Variants in KALRN observed in about 807,000 individuals in gnomAD.
KALRN encodes kalirin.
A neutral mutation model predicts 353.7 loss-of-function variants in KALRN; 70 were observed. The ratio of observed to expected loss-of-function variants is 0.20; its 90% CI spans 0.16 to 0.24. The LOEUF (loss-of-function observed/expected upper bound fraction) is 0.24, where lower values mean the gene tolerates loss of function less well. KALRN is among the 10% of genes least tolerant of loss of function. The probability of loss-of-function intolerance (pLI) is 1.00; values close to 1 mark genes in which losing one functional copy is unlikely to be tolerated. For missense variants in KALRN, 2,791 were observed against 3,756.7 expected (o/e 0.74, Z 6.72); for synonymous variants, 1,391 against 1,434.8 (o/e 0.97, Z 0.69).
At chr3:124,653,823 G>A (rs915572643) in intron 38 of KALRN, among the ~76,000 whole-genome samples, 1 of 152,200 alleles carries the variant, frequency 6.6e-6, no homozygotes, top group Non-Finnish European at 1.5e-5. Flanking sequence ...TGAAAAACAT[G>A]CCTTGTTGTC....
At chr3:124,369,893 C>T (rs1460399201) in intron 10 of KALRN, among the ~76,000 whole-genome samples, 2 of 152,058 alleles carry the variant, frequency 1.3e-5, no homozygotes, top group Non-Finnish European at 2.9e-5. Flanking sequence ...TGGCATATCC[C>T]GCTTAGCATA....
chr3:124,069,968 G>A (rs1368331232), intron 1 of KALRN, among the ~76,000 whole-genome samples: 2 of 152,120 alleles, frequency 1.3e-5, no homozygotes, highest in Non-Finnish European at 2.9e-5. Flanking sequence ...TGACTAGCAG[G>A]CATGTATTTA....
At chr3:124,691,244 C>T (rs953739325) in intron 51 of KALRN, among the ~76,000 whole-genome samples, 5 of 152,084 alleles carry the variant, frequency 3.3e-5, no homozygotes, top group African/African-American at 2.4e-5. Context: ...GCCTGACCAA[C>T]GTGGCGAGAC....
rs1053876553 is a variant in KALRN, at chr3:124,118,777, G to A, written c.73+84964G>A. ...GATTTGTTCCAAACACTGGAAATCC[G>A]TCTTCTCATTTAATTGTCACAACTC... On this transcript the variant is annotated intron_variant, in intron 1 of 59. Transcript: ENST00000682506. Among the ~76,000 whole-genome samples, 21 of 152,272 alleles carry A rather than the reference G, an allele frequency of 1.4e-4. No individual in the cohort carries two copies. The Middle Eastern group carries it at 0.017, about 123-fold the overall frequency.
At chr3:124,379,600 C>A (rs1039311925) in intron 10 of KALRN, among the ~76,000 whole-genome samples, 1 of 152,190 alleles carries the variant, frequency 6.6e-6, no homozygotes, top group African/African-American at 2.4e-5. Context: ...TACTTATTTA[C>A]CCTTCTGACC....
chr3:124,068,917 G>C (rs1253566297), intron 1 of KALRN, among the ~76,000 whole-genome samples: 4 of 152,194 alleles, frequency 2.6e-5, no homozygotes, highest in African/African-American at 9.7e-5. Context: ...GATATGAAAA[G>C]AGCCTCCAGG....
chr3:124,667,382 G>A (rs918926227), intron 47 of KALRN, among the ~76,000 whole-genome samples, 199 bp downstream of exon 47: 5 of 152,186 alleles, frequency 3.3e-5, no homozygotes, highest in African/African-American at 1.2e-4. Context: ...TGAAAAAGAA[G>A]CTCCATCTTT....
intron 59 of KALRN, among the ~76,000 whole-genome samples, chr3:124,718,585 C>T (rs189428334): frequency 5.8e-4 from 88 of 152,314 alleles, no homozygotes; most frequent in Non-Finnish European, 8.8e-4. Flanking sequence ...CAACAAACGT[C>T]ACCTTCTCTT....
At chr3:124,380,311 A>G (rs1427115752) in intron 10 of KALRN, among the ~76,000 whole-genome samples, 1 of 152,158 alleles carries the variant, frequency 6.6e-6, no homozygotes, top group African/African-American at 2.4e-5. Context: ...TGGGGAGAAA[A>G]TTTAAAAGTA....
intron 32 of KALRN, among the ~76,000 whole-genome samples, chr3:124,496,028 C>G (rs9816163): frequency 1.0e-5 from 1 of 95,304 alleles, no homozygotes; most frequent in Non-Finnish European, 2.2e-5. Flanking sequence ...CACATATATA[C>G]ATACATACAC....
chr3:124,278,477 G>GTGTGTGTGTGTT, intron 5 of KALRN, among the ~76,000 whole-genome samples: 1 of 150,744 alleles, frequency 6.6e-6, no homozygotes, highest in South Asian at 2.1e-4. Flanking sequence ...GTGTGTGTGT[G>GTGTGTGTGTGTT]TGTGTGTGTG....
chr3:124,298,549 T>C (rs1580671132), intron 5 of KALRN, among the ~76,000 whole-genome samples: 1 of 152,152 alleles, frequency 6.6e-6, no homozygotes, highest in African/African-American at 2.4e-5. Context: ...TCATTTTCTC[T>C]TTTTCCCTTA....
At chr3:124,627,442 T>C (rs748872574) in intron 34 of KALRN, among the ~76,000 whole-genome samples, 5 of 152,238 alleles carry the variant, frequency 3.3e-5, no homozygotes, top group Admixed American at 1.3e-4. Context: ...GGAAGAGGAA[T>C]GGTCATTCAA....
chr3:124,517,817 G>A lies in KALRN; in HGVS notation c.4935+21404G>A, dbSNP rs146637503. On this transcript the variant is annotated intron_variant, in intron 33 of 59. Coordinates refer to ENST00000682506, the MANE Select transcript of KALRN (RefSeq NM_001388419.1). The stretch of plus-strand genomic sequence containing the variant: ...AATCATGAATTTTAAGTCCATTACT[G>A]TCAACGATGTACTATATAAATGGGT... Among the ~76,000 whole-genome samples, 306 of 152,256 alleles carry A rather than the reference G, an allele frequency of 2.0e-3. No homozygotes were observed. In the Middle Eastern group the frequency reaches 0.02, roughly 10 times the overall value.
At chr3:124,075,014 G>A (rs1559907804) in intron 1 of KALRN, among the ~76,000 whole-genome samples, 1 of 152,168 alleles carries the variant, frequency 6.6e-6, no homozygotes, top group Admixed American at 6.5e-5. Context: ...TTACAAACAA[G>A]CTTTGCTTTT....
intron 33 of KALRN, among the ~76,000 whole-genome samples, chr3:124,515,957 T>G (rs140580493): frequency 7.2e-5 from 11 of 152,332 alleles, no homozygotes; most frequent in African/African-American, 2.6e-4. Context: ...GAGCAAGTGT[T>G]CAGTATCACC....
At chr3:124,137,335 G>A (rs551222021) in intron 1 of KALRN, among the ~76,000 whole-genome samples, 1 of 152,288 alleles carries the variant, frequency 6.6e-6, no homozygotes, top group Admixed American at 6.5e-5. Flanking sequence ...GGGGAGAAGA[G>A]TCCAGTTGGC....
chr3:124,594,603 A>T (rs949432147), intron 34 of KALRN, among the ~76,000 whole-genome samples: 14 of 152,256 alleles, frequency 9.2e-5, no homozygotes, highest in African/African-American at 3.4e-4. Context: ...TATTAGTTTA[A>T]TATAATGGTT....
chr3:124,415,129 A>G (rs951916044), intron 14 of KALRN, among the ~76,000 whole-genome samples: 3 of 152,188 alleles, frequency 2.0e-5, no homozygotes, highest in Non-Finnish European at 4.4e-5. Context: ...GCTGAAACCC[A>G]GGCCTATTCA....
Sources: allele counts gnomAD v4.1 joint callset (sites outside exome capture counted in the v4.1 genomes callset), GRCh38; gene constraint gnomAD v4.1.1; transcripts MANE v1.5; gene names NCBI Gene and HGNC (gene_info 2026-07-23, HGNC 2026-07-21).